Variants in SAMD14 observed in about 807,000 individuals in gnomAD.
SAMD14 encodes the protein sterile alpha motif domain-containing protein 14.
Under a neutral mutation model 46.2 loss-of-function variants are expected in SAMD14, and 27 were observed. The observed-to-expected ratio is 0.58, with a 90% CI of 0.43 to 0.81. SAMD14 has a LOEUF of 0.81. Ranked by LOEUF, SAMD14 falls within the 30% of genes least tolerant of loss-of-function variation. The pLI, the probability that SAMD14 is intolerant of heterozygous loss-of-function variation, is 0.00. For synonymous variants in SAMD14, 241 were observed against 254.3 expected (o/e 0.95, Z 0.50); for missense variants, 559 against 582.2 (o/e 0.96, Z 0.41).
At chr17:50,118,635 G>T (rs1911365280) in intron 2 of SAMD14, among the ~76,000 whole-genome samples, 1 of 152,176 alleles carries the variant, frequency 6.6e-6, no homozygotes, top group South Asian at 2.1e-4. Context: ...GGGTTTTAAC[G>T]TCTGGGTAGG....
chr17:50,122,736 T>TA (rs1458396122), intron 2 of SAMD14, among the ~76,000 whole-genome samples: 2 of 151,968 alleles, frequency 1.3e-5, no homozygotes, highest in Non-Finnish European at 2.9e-5. Flanking sequence ...GAGGTCTGGG[T>TA]AACCATAAAG....
rs1045437846 is a variant in SAMD14 at position 50,129,637 on chromosome 17, C to G, written c.-133G>C. On this transcript the variant is annotated 5_prime_UTR_variant, in exon 1 of 10. Transcript: ENST00000330175. This position sits in a 1 kb window ranked among gnomAD's most constrained non-coding sequence, Gnocchi z 5.6. Reference sequence around the variant, plus strand: ...CCGTCACCCCGGCCGCGGGGGGCTCCGGGCGGGCTCGAGCCGCTCCATCCC... The same window carrying G: ...CCGTCACCCCGGCCGCGGGGGGCTCGGGGCGGGCTCGAGCCGCTCCATCCC... The G allele has an allele frequency of 6.7e-6, 1 of 149,454 alleles. No individual in the cohort carries two copies. Among genetic ancestry groups the G allele is most frequent in the Non-Finnish European group, 1.5e-5 (1 of 67,058 alleles). The allele number at this position is 149,454 out of a possible 1,614,324, so 9.3% of individuals were successfully genotyped here.
At chr17:50,118,035 A>C (rs893173621) in intron 3 of SAMD14, 126 bp downstream of exon 3, 9 of 1,017,034 alleles carry the variant, frequency 8.8e-6, no homozygotes, top group Non-Finnish European at 1.1e-5. Flanking sequence ...AACACTTGGC[A>C]GCATTACTAG....
chr17:50,115,361 A>G lies in SAMD14; in HGVS notation c.822+203T>C, dbSNP rs1911125931. Reference sequence around the variant, plus strand: ...CATGAAGCATTGACTGAATCAAGGAATGAACTACTCAGAATATGAAGGAGT... The same window carrying G: ...CATGAAGCATTGACTGAATCAAGGAGTGAACTACTCAGAATATGAAGGAGT... On this transcript the variant is annotated intron_variant, in intron 7 of 9. Coordinates refer to ENST00000330175, the MANE Select transcript of SAMD14 (RefSeq NM_001257359.2). This position sits in a 1 kb window ranked among gnomAD's most constrained non-coding sequence, Gnocchi z 5.3. Among the ~76,000 whole-genome samples the G allele has an allele frequency of 1.3e-5, 2 of 152,248 alleles. No homozygotes were observed. Among genetic ancestry groups the G allele is most frequent in the African/African-American group, 4.8e-5 (2 of 41,476 alleles).
At position 50,129,591 on chromosome 17, in the gene SAMD14, G is replaced by A. The variant is rs1412778207; in HGVS notation, c.-87C>T. 2 of 152,120 alleles carry A rather than the reference G, an allele frequency of 1.3e-5. No individual in the cohort carries two copies. The highest frequency in any genetic ancestry group is 6.5e-5 in the Admixed American group (1 of 15,282). 9.4% of individuals were successfully genotyped at this position (152,120 alleles called of 1,614,324 possible). A position where few individuals can be genotyped will look rare whatever the true frequency, so the allele number is the denominator to read the frequency against. ...CCCATGGTGCTCGAGGCGGGGGCCG[G>A]GCAGGAGAGGGGTGGGGGGACCGTC... On this transcript the variant is annotated 5_prime_UTR_variant, in exon 1 of 10. Transcript: ENST00000330175. This position sits in a 1 kb window ranked among gnomAD's most constrained non-coding sequence, Gnocchi z 5.6.
chr17:50,117,359 T>C lies in SAMD14; in HGVS notation c.499+48A>G, dbSNP rs1284868734. The stretch of plus-strand genomic sequence containing the variant: ...TGCGCGCCGGGACCGGGAGGGCTGC[T>C]GCGCCCGGGAGCGACCAGCAGGAGG... On this transcript the variant is annotated intron_variant, in intron 4 of 9. Coordinates refer to ENST00000330175, the MANE Select transcript of SAMD14 (RefSeq NM_001257359.2). 2.0e-5 allele frequency: 25 copies of C among 1,269,098 alleles called. 1 individual carries two copies. In the South Asian group the frequency reaches 6.4e-4, roughly 32 times the overall value. The allele number at this position is 1,269,098 out of a possible 1,614,324, so 78.6% of individuals were successfully genotyped here.
intron 2 of SAMD14, 151 bp downstream of exon 2, chr17:50,124,766 C>CACGT (rs1555563112): frequency 1.5e-5 from 10 of 678,724 alleles, no homozygotes; most frequent in African/African-American, 1.1e-4. Context: ...CGTGCACGCG[C>CACGT]GCGCGCACAC....
intron 2 of SAMD14, among the ~76,000 whole-genome samples, chr17:50,120,319 GGGAGA>G (rs1021129626): frequency 3.3e-5 from 5 of 152,098 alleles, no homozygotes; most frequent in African/African-American, 9.7e-5. Flanking sequence ...AGCAGAGGAA[GGGAGA>G]GGAGAGGAGA....
chr17:50,117,542 A>T lies in SAMD14; in HGVS notation c.364T>A (p.Tyr122Asn). Reference sequence around the variant, plus strand: ...GACGCAGCGTTGTGCAGGGGCCGGTAGCGTGTGAGCGGCGAGGGCGGCGGC... The same window carrying T: ...GACGCAGCGTTGTGCAGGGGCCGGTTGCGTGTGAGCGGCGAGGGCGGCGGC... ...DEPPPSPLTR[Y>N]RPLHNAASHE... Residue 122 changes from tyrosine to asparagine, a missense_variant, in exon 4 of 10, where the codon TAC becomes AAC. By Grantham distance (143) the Tyr-to-Asn change is moderately radical. Transcript: ENST00000330175. 2 of 1,552,120 alleles carry T rather than the reference A, an allele frequency of 1.3e-6. No individual in the cohort carries two copies.
intron 2 of SAMD14, among the ~76,000 whole-genome samples, chr17:50,120,055 G>A (rs1911427658): frequency 6.6e-6 from 1 of 152,182 alleles, no homozygotes; most frequent in Non-Finnish European, 1.5e-5. Context: ...GGGATATGAT[G>A]TTTTGGACTA....
chr17:50,115,329 T>C lies in SAMD14; in HGVS notation c.822+235A>G, dbSNP rs1911124742. Among the ~76,000 whole-genome samples the C allele has an allele frequency of 6.6e-6, 1 of 152,222 alleles. No individual in the cohort carries two copies. Among genetic ancestry groups the C allele is most frequent in the Admixed American group, 6.5e-5 (1 of 15,286 alleles). On this transcript the variant is annotated intron_variant, in intron 7 of 9. Transcript: ENST00000330175. The surrounding 1 kb of genome is among the most constrained non-coding windows in gnomAD (Gnocchi z 5.3). ...TAGGGAATCAGTGTTTAGTGATTTG[T>C]TGAATGCATGAAGCATTGACTGAAT...
Position 50,125,395 on chromosome 17 carries a change from C to T in SAMD14, c.-12-424G>A, listed in dbSNP as rs913817066. On this transcript the variant is annotated intron_variant, in intron 1 of 9. Transcript: ENST00000330175. ...GTCATGGAGATTATTAAATCCAATC[C>T]TCTCATGTTACAAATGAAGAAACAG... 8 of 180,240 alleles carry T rather than the reference C, an allele frequency of 4.4e-5. 1 individual carries two copies. Among genetic ancestry groups the T allele is most frequent in the Non-Finnish European group, 8.3e-5 (7 of 84,684 alleles). 11.2% of individuals were successfully genotyped at this position (180,240 alleles called of 1,614,324 possible). A position where few individuals can be genotyped will look rare whatever the true frequency, so the allele number is the denominator to read the frequency against.
In SAMD14 at chr17:50,115,677, G is replaced by A. The variant is rs2144395987; in HGVS notation, c.709C>T (p.Pro237Ser). The A allele has an allele frequency of 1.2e-6, 2 of 1,608,030 alleles. No individual in the cohort carries two copies. Among genetic ancestry groups the A allele is most frequent in the Non-Finnish European group, 1.7e-6 (2 of 1,176,134 alleles). ...SGRSGGSPFL[P>S]FSWFTDSGKG... Reference sequence around the variant, plus strand: ...CCGCTGTCCGTGAACCAGGAAAAAGGCAGGAACGGGGAGCCCCCTGACCTG... The same window carrying A: ...CCGCTGTCCGTGAACCAGGAAAAAGACAGGAACGGGGAGCCCCCTGACCTG... Residue 237 changes from proline to serine, a missense_variant, in exon 7 of 10, where the codon CCT becomes TCT. Pro to Ser is a moderately conservative substitution (Grantham distance 74, BLOSUM62 -1). Transcript: ENST00000330175. This position sits in a 1 kb window ranked among gnomAD's most constrained non-coding sequence, Gnocchi z 5.3.
At chr17:50,113,587 G>A in intron 9 of SAMD14, 1 of 346,250 alleles carries the variant, frequency 2.9e-6, no homozygotes, top group Non-Finnish European at 5.4e-6. Context: ...AGCTGACCAG[G>A]GGGAGATGTG....
intron 3 of SAMD14, chr17:50,117,935 C>T: frequency 1.6e-6 from 1 of 636,982 alleles, no homozygotes; most frequent in South Asian, 2.5e-5. Flanking sequence ...GCTCCTGGAC[C>T]TCTCAGGGCC....
Position 50,112,991 on chromosome 17 carries a change from T to C in SAMD14, c.1156A>G (p.Met386Val), listed in dbSNP as rs1316816838. 6.2e-7 allele frequency: 1 copy of C among 1,612,290 alleles called. No homozygotes were observed. The highest frequency in any genetic ancestry group is 1.7e-5 in the Admixed American group (1 of 60,020). Residue 386 changes from methionine (M) to valine (V), a missense_variant, in exon 10 of 10, where the codon ATG (methionine) becomes GTG (valine). Physicochemically the swap from Met to Val is conservative, Grantham distance 21. Transcript: ENST00000330175. ...CGCTCCTTCTCGGCAGCTGCTGCCATCTCCTTCAACTTGCGCTTCACCAGT... is the reference window on the plus strand; with the variant it reads ...CGCTCCTTCTCGGCAGCTGCTGCCACCTCCTTCAACTTGCGCTTCACCAGT... Reference protein sequence around the residue: ...RALVKRKLKEMAAAAEKERKA... With the variant: ...RALVKRKLKEVAAAAEKERKA...
Position 50,130,074 on chromosome 17 carries a change from G to A in SAMD14, c.-570C>T, listed in dbSNP as rs1439601163. On this transcript the variant is annotated 5_prime_UTR_variant, in exon 1 of 10. Transcript: ENST00000330175. The surrounding 1 kb of genome is among the most constrained non-coding windows in gnomAD (Gnocchi z 4.1). ...AAAGAGCGGGAGGGAGCGAGGGGGC[G>A]GGGGCGGGGGAGGGCGGCGGGGAGG... Among the ~76,000 whole-genome samples, 1 of 151,778 alleles carries A rather than the reference G, an allele frequency of 6.6e-6. No individual in the cohort carries two copies.
chr17:50,113,107 C>T, intron 9 of SAMD14, 59 bp from the exon 10 acceptor site: 1 of 1,582,720 alleles, frequency 6.3e-7, no homozygotes, highest in East Asian at 2.2e-5. Context: ...CCTGGCCTCC[C>T]ACGCCCAGGC....
chr17:50,113,280 C>G, intron 9 of SAMD14: 1 of 527,174 alleles, frequency 1.9e-6, no homozygotes, highest in South Asian at 2.4e-5. Flanking sequence ...GCGCTTCCTC[C>G]TCCTCCCCCA....
Sources: gnomAD v4.1 joint callset for allele counts (sites outside exome capture counted in the v4.1 genomes callset) on GRCh38, gnomAD v4.1.1 for gene constraint, Gnocchi (gnomAD v3.1) non-coding constraint, MANE v1.5 for transcripts, NCBI Gene and HGNC (gene_info 2026-07-23, HGNC 2026-07-21) for gene names.